Variants in FAM13A observed in about 807,000 individuals in gnomAD.
FAM13A encodes the protein family with sequence similarity 13 member A, also known as protein FAM13A.
A neutral mutation model predicts 129.6 loss-of-function variants in FAM13A; 76 were observed. That is an observed-to-expected ratio of 0.59 (90% CI 0.49 to 0.71). The LOEUF is 0.71. FAM13A is among the 30% of genes least tolerant of loss of function. FAM13A has a pLI of 0.00. For synonymous variants in FAM13A, 443 were observed against 449.9 expected (o/e 0.98, Z 0.20); for missense variants, 1,108 against 1,249.3 (o/e 0.89, Z 1.70).
chr4:88,979,915 G>C (rs1044984545), intron 4 of FAM13A, among the ~76,000 whole-genome samples: 1 of 152,172 alleles, frequency 6.6e-6, no homozygotes, highest in Non-Finnish European at 1.5e-5. Flanking sequence ...AAGTTGCAGT[G>C]AGTGGAAATC....
At chr4:89,034,702 C>T (rs974273025) in intron 1 of FAM13A, among the ~76,000 whole-genome samples, 8 of 151,950 alleles carry the variant, frequency 5.3e-5, no homozygotes, top group African/African-American at 7.2e-5. Flanking sequence ...GCCAACATGG[C>T]GAAACCCCAT....
intron 13 of FAM13A, among the ~76,000 whole-genome samples, chr4:88,761,484 G>A (rs1744804122): frequency 6.6e-6 from 1 of 152,146 alleles, no homozygotes; most frequent in African/African-American, 2.4e-5. Flanking sequence ...TCATGAATCA[G>A]CAACAGAAAT....
intron 4 of FAM13A, 70 bp downstream of exon 4, chr4:88,990,903 A>C: frequency 1.7e-6 from 2 of 1,169,616 alleles, no homozygotes; most frequent in Non-Finnish European, 2.5e-6. Flanking sequence ...TCTACATCCC[A>C]GTAATTTCAG....
At chr4:88,768,109 C>T (rs1230298379) in intron 11 of FAM13A, 50 bp from the exon 12 acceptor site, 6 of 952,748 alleles carry the variant, frequency 6.3e-6, no homozygotes, top group Non-Finnish European at 1.0e-5. Context: ...AAGAAATATG[C>T]AACGCAGACC....
chr4:88,965,149 T>TA (rs1449897138), intron 4 of FAM13A, among the ~76,000 whole-genome samples: 1 of 152,188 alleles, frequency 6.6e-6, no homozygotes, highest in Non-Finnish European at 1.5e-5. Context: ...TGAGCAGCTG[T>TA]AGCATTCCTG....
In FAM13A at chr4:88,734,304, A is replaced by G. The variant is rs535597959; in HGVS notation, c.2647-2106T>C. 2.0e-5 allele frequency among the ~76,000 whole-genome samples: 3 copies of G among 152,348 alleles called. No homozygotes were observed. In the East Asian group the frequency reaches 5.8e-4, roughly 29 times the overall value. On this transcript the variant is annotated intron_variant, in intron 21 of 23. Coordinates refer to ENST00000264344, the MANE Select transcript of FAM13A (RefSeq NM_014883.4). ...GAAGGGTGACATGAACCTGAAGGGC[A>G]GTCTACAGCAGCCCCTCTGCCTGAC...
chr4:88,970,752 AAG>A (rs958498148), intron 4 of FAM13A, among the ~76,000 whole-genome samples: 2 of 152,316 alleles, frequency 1.3e-5, no homozygotes, highest in Non-Finnish European at 2.9e-5. Context: ...ATAATGAAAC[AAG>A]AGATAGCAAA....
At chr4:89,022,817 A>T (rs1240901490) in intron 2 of FAM13A, among the ~76,000 whole-genome samples, 2 of 152,168 alleles carry the variant, frequency 1.3e-5, no homozygotes, top group Admixed American at 1.3e-4. Flanking sequence ...CGGGCAAACA[A>T]CTAAAGGTGG....
At chr4:89,048,991 T>A (rs1388022315) in intron 1 of FAM13A, among the ~76,000 whole-genome samples, 1 of 152,226 alleles carries the variant, frequency 6.6e-6, no homozygotes, top group Admixed American at 6.5e-5. Context: ...GAGGTCACTA[T>A]GAATTAAATC....
intron 1 of FAM13A, among the ~76,000 whole-genome samples, chr4:89,056,723 C>T (rs1465859015): frequency 1.3e-5 from 2 of 152,116 alleles, no homozygotes; most frequent in African/African-American, 2.4e-5. Flanking sequence ...CATCTTTCAC[C>T]TTTTTTGGAA....
intron 1 of FAM13A, among the ~76,000 whole-genome samples, chr4:89,031,961 T>G (rs1052168723): frequency 1.3e-5 from 2 of 152,170 alleles, no homozygotes; most frequent in African/African-American, 4.8e-5. Flanking sequence ...GGCTCACACC[T>G]GTAATCCCAG....
chr4:88,781,888 C>A (rs762866644), intron 10 of FAM13A, among the ~76,000 whole-genome samples: 185 of 150,654 alleles, frequency 1.2e-3, no homozygotes, highest in Non-Finnish European at 2.0e-3. Flanking sequence ...ATACCTAATG[C>A]TAAATGACGA....
chr4:88,957,328 C>CAAAAAAAAAAAAAAAAAAAAAAAAAA, intron 4 of FAM13A, among the ~76,000 whole-genome samples: 1 of 144,720 alleles, frequency 6.9e-6, no homozygotes, highest in East Asian at 2.0e-4. Context: ...GACTCTGTCT[C>CAAAAAAAAAAAAAAAAAAAAAAAAAA]AAAAAAAAAA....
chr4:88,998,693 TTC>T (rs1190325312), intron 3 of FAM13A, among the ~76,000 whole-genome samples: 1 of 152,200 alleles, frequency 6.6e-6, no homozygotes, highest in Non-Finnish European at 1.5e-5. Context: ...TGAATTATAT[TTC>T]TTTCTAAATA....
intron 7 of FAM13A, chr4:88,823,091 T>C (rs2305934): frequency 0.14 from 217,975 of 1,589,736 alleles, 20,647 homozygotes; most frequent in East Asian, 0.38. Flanking sequence ...CTTCTTACAG[T>C]GGCTAAGCTG....
At chr4:88,930,909 G>A (rs919861530) in intron 5 of FAM13A, among the ~76,000 whole-genome samples, 1 of 152,172 alleles carries the variant, frequency 6.6e-6, no homozygotes, top group African/African-American at 2.4e-5. Context: ...GCTTAGGAGA[G>A]CTTGCTCTTT....
intron 4 of FAM13A, among the ~76,000 whole-genome samples, chr4:88,983,216 C>A (rs1233659017): frequency 1.3e-5 from 2 of 151,838 alleles, no homozygotes; most frequent in Non-Finnish European, 2.9e-5. Flanking sequence ...CCTTGGATAA[C>A]CCAACCTATT....
intron 7 of FAM13A, among the ~76,000 whole-genome samples, chr4:88,812,760 A>G (rs1729914178): frequency 6.6e-6 from 1 of 152,214 alleles, no homozygotes. Context: ...TCTTTGTAAC[A>G]ACAGCACCTA....
intron 6 of FAM13A, among the ~76,000 whole-genome samples, chr4:88,903,291 C>T (rs1747589712): frequency 6.6e-6 from 1 of 151,930 alleles, no homozygotes; most frequent in East Asian, 1.9e-4. Context: ...ACAAGACAAG[C>T]CTAAGCAAAA....
Sources: allele counts gnomAD v4.1 joint callset (sites outside exome capture counted in the v4.1 genomes callset), GRCh38; gene constraint gnomAD v4.1.1; transcripts MANE v1.5; gene names NCBI Gene and HGNC (gene_info 2026-07-23, HGNC 2026-07-21).